Variants in ZNF804B observed in about 807,000 individuals in gnomAD.
ZNF804B encodes the protein zinc finger protein 804B, also known as zinc finger 804B.
ZNF804B carries 80 observed loss-of-function variants against 101.4 expected under a neutral mutation model. That is an observed-to-expected ratio of 0.79 (90% CI 0.66 to 0.95). The LOEUF (loss-of-function observed/expected upper bound fraction) is 0.95, where lower values mean the gene tolerates loss of function less well. ZNF804B is among the 40% of genes least tolerant of loss of function. ZNF804B has a pLI of 0.00. For missense variants in ZNF804B, 1,673 were observed against 1,561.9 expected (o/e 1.07, Z -1.20); for synonymous variants, 622 against 558.8 (o/e 1.11, Z -1.59).
At chr7:88,931,152 G>A (rs1260775632) in intron 1 of ZNF804B, among the ~76,000 whole-genome samples, 1 of 151,854 alleles carries the variant, frequency 6.6e-6, no homozygotes, top group Non-Finnish European at 1.5e-5. Context: ...AAACTTTCCT[G>A]AGAAAGATAC....
At chr7:89,002,824 A>G (rs894973560) in intron 1 of ZNF804B, among the ~76,000 whole-genome samples, 2 of 152,094 alleles carry the variant, frequency 1.3e-5, no homozygotes, top group Admixed American at 6.6e-5. Flanking sequence ...TTAACAAAAA[A>G]TAGAGGATTA....
At chr7:89,187,375 C>G (rs1788390037) in intron 1 of ZNF804B, among the ~76,000 whole-genome samples, 1 of 152,148 alleles carries the variant, frequency 6.6e-6, no homozygotes, top group African/African-American at 2.4e-5. Flanking sequence ...AAAATCATTA[C>G]ATTTTAGTCA....
chr7:88,800,092 A>C (rs1398336561), intron 1 of ZNF804B, among the ~76,000 whole-genome samples: 2 of 152,096 alleles, frequency 1.3e-5, no homozygotes. Context: ...CTTATATCAA[A>C]ATGATCAGCC....
At chr7:89,130,153 C>A (rs922543063) in intron 1 of ZNF804B, among the ~76,000 whole-genome samples, 2 of 151,838 alleles carry the variant, frequency 1.3e-5, no homozygotes, top group African/African-American at 4.8e-5. Context: ...GTTTTCCTGG[C>A]CACAGAGTGA....
chr7:88,885,223 C>G (rs892177994), intron 1 of ZNF804B, among the ~76,000 whole-genome samples: 3 of 151,830 alleles, frequency 2.0e-5, no homozygotes, highest in Non-Finnish European at 4.4e-5. Flanking sequence ...TGCTACCTTC[C>G]TCAGAGCAGG....
rs540667170 is a variant in ZNF804B, at chr7:89,029,229, G to A, written c.109-188926G>A. On this transcript the variant is annotated intron_variant, in intron 1 of 3. Coordinates refer to ENST00000333190, the MANE Select transcript of ZNF804B (RefSeq NM_181646.5). ...AGCAATTCTCCTGCCTCAGCCTCCC[G>A]AGTAGCTGGGATTACAGGCATGCAC... Among the ~76,000 whole-genome samples, 4 of 152,108 alleles carry A rather than the reference G, an allele frequency of 2.6e-5. No homozygotes were observed. The East Asian group carries it at 5.8e-4, about 22-fold the overall frequency.
intron 1 of ZNF804B, among the ~76,000 whole-genome samples, chr7:89,157,377 T>C (rs1304032432): frequency 6.6e-6 from 1 of 152,196 alleles, no homozygotes; most frequent in Non-Finnish European, 1.5e-5. Flanking sequence ...AAGCTTTTGA[T>C]TGTTGTAGCT....
chr7:88,930,488 A>G (rs1792865822), intron 1 of ZNF804B, among the ~76,000 whole-genome samples: 1 of 151,986 alleles, frequency 6.6e-6, no homozygotes, highest in Admixed American at 6.6e-5. Flanking sequence ...TCTGAATATA[A>G]TTCTAGGCTT....
At chr7:88,820,575 A>C (rs1300182482) in intron 1 of ZNF804B, among the ~76,000 whole-genome samples, 1 of 152,130 alleles carries the variant, frequency 6.6e-6, no homozygotes, top group Non-Finnish European at 1.5e-5. Context: ...AAGTCACTTG[A>C]AGTAGATGCC....
At chr7:89,308,352 T>C (rs1227713367) in intron 2 of ZNF804B, among the ~76,000 whole-genome samples, 1 of 152,146 alleles carries the variant, frequency 6.6e-6, no homozygotes, top group Non-Finnish European at 1.5e-5. Flanking sequence ...TGTGAGATCC[T>C]ATTCAGTGAG....
chr7:89,121,468 T>C (rs1562889970), intron 1 of ZNF804B, among the ~76,000 whole-genome samples: 2 of 152,092 alleles, frequency 1.3e-5, no homozygotes, highest in African/African-American at 4.8e-5. Context: ...ATAAAAATAA[T>C]ACAAACAGTT....
At chr7:89,273,548 A>G (rs1176576761) in intron 2 of ZNF804B, among the ~76,000 whole-genome samples, 1 of 152,168 alleles carries the variant, frequency 6.6e-6, no homozygotes, top group Non-Finnish European at 1.5e-5. Flanking sequence ...AAGCTTACAA[A>G]CAACATGCTC....
chr7:89,019,000 C>A (rs975103155), intron 1 of ZNF804B, among the ~76,000 whole-genome samples: 1 of 151,758 alleles, frequency 6.6e-6, no homozygotes, highest in Admixed American at 6.6e-5. Flanking sequence ...CTTTTCTGAG[C>A]CTTCTCATTT....
In ZNF804B at chr7:89,292,082, T is replaced by A. The variant is rs191808051; in HGVS notation, c.250-35262T>A. Among the ~76,000 whole-genome samples, 60 of 152,222 alleles carry A rather than the reference T, an allele frequency of 3.9e-4. No individual in the cohort carries two copies. In the East Asian group the frequency reaches 6.6e-3, roughly 17 times the overall value. The stretch of plus-strand genomic sequence containing the variant: ...AAAAATGAAAGAGAAATAAGGACTT[T>A]CCCAGACAAACAAAAGCTGAGGGAT... On this transcript the variant is annotated intron_variant, in intron 2 of 3. Coordinates refer to ENST00000333190, the MANE Select transcript of ZNF804B (RefSeq NM_181646.5).
At chr7:89,052,641 TGTG>T (rs1562871461) in intron 1 of ZNF804B, among the ~76,000 whole-genome samples, 1 of 152,170 alleles carries the variant, frequency 6.6e-6, no homozygotes, top group Non-Finnish European at 1.5e-5. Context: ...TTTCTGATTT[TGTG>T]TCCCTGGTTA....
chr7:89,281,846 G>T (rs1444710976), intron 2 of ZNF804B, among the ~76,000 whole-genome samples: 1 of 152,022 alleles, frequency 6.6e-6, no homozygotes, highest in Non-Finnish European at 1.5e-5. Flanking sequence ...GTAAAGTAAA[G>T]GATAATAAAT....
chr7:89,033,595 C>T (rs1350922775), intron 1 of ZNF804B, among the ~76,000 whole-genome samples: 1 of 151,924 alleles, frequency 6.6e-6, no homozygotes, highest in Admixed American at 6.6e-5. Flanking sequence ...ACAAGCAAAA[C>T]CCTCTATGCT....
At chr7:89,315,468 G>A (rs185792197) in intron 2 of ZNF804B, among the ~76,000 whole-genome samples, 45 of 152,182 alleles carry the variant, frequency 3.0e-4, no homozygotes, top group Admixed American at 6.5e-4. Flanking sequence ...AAGTAGTTTA[G>A]GAATCTGAAG....
chr7:88,895,299 G>A (rs1399938315), intron 1 of ZNF804B, among the ~76,000 whole-genome samples: 1 of 152,202 alleles, frequency 6.6e-6, no homozygotes, highest in Non-Finnish European at 1.5e-5. Context: ...TAGAAGCGAA[G>A]CTTCTCACTG....
Sources: allele counts gnomAD v4.1 joint callset (sites outside exome capture counted in the v4.1 genomes callset), GRCh38; gene constraint gnomAD v4.1.1; transcripts MANE v1.5; gene names NCBI Gene and HGNC (gene_info 2026-07-23, HGNC 2026-07-21).